The following ARHGAP26 variants were observed in gnomAD, a reference collection of about 807,000 sequenced individuals.
ARHGAP26 encodes rho GTPase-activating protein 26.
Under a neutral mutation model 104.8 loss-of-function variants are expected in ARHGAP26, and 38 were observed. The ratio of observed to expected loss-of-function variants is 0.36; its 90% CI spans 0.28 to 0.48. The LOEUF (loss-of-function observed/expected upper bound fraction) is 0.48. Ranked by LOEUF, ARHGAP26 falls within the 20% of genes least tolerant of loss-of-function variation. The pLI is 0.99. For synonymous variants in ARHGAP26, 341 were observed against 340.0 expected (o/e 1.00, Z -0.03); for missense variants, 704 against 947.9 (o/e 0.74, Z 3.38).
intron 20 of ARHGAP26, among the ~76,000 whole-genome samples, chr5:143,158,193 G>A (rs572440301): frequency 2.0e-5 from 3 of 152,192 alleles, no homozygotes; most frequent in African/African-American, 4.8e-5. Context: ...GACACTCAAT[G>A]TTTACTTTTG....
intron 5 of ARHGAP26, among the ~76,000 whole-genome samples, chr5:142,894,014 CT>C (rs978793520): frequency 4.7e-4 from 70 of 147,842 alleles, no homozygotes; most frequent in Admixed American, 1.6e-3. Context: ...CATTAGAAAG[CT>C]TTTTTTTTGT....
At chr5:142,787,071 C>T (rs1758823301) in intron 1 of ARHGAP26, among the ~76,000 whole-genome samples, 1 of 152,198 alleles carries the variant, frequency 6.6e-6, no homozygotes, top group Non-Finnish European at 1.5e-5. Flanking sequence ...CTAGGGCTCC[C>T]TTTCCTGTTA....
At chr5:143,129,583 C>T (rs1247696256) in intron 18 of ARHGAP26, among the ~76,000 whole-genome samples, 1 of 152,224 alleles carries the variant, frequency 6.6e-6, no homozygotes, top group African/African-American at 2.4e-5. Flanking sequence ...CCCAGTCCAG[C>T]TGCACTCCTT....
chr5:143,003,080 A>G (rs757312844), intron 11 of ARHGAP26, among the ~76,000 whole-genome samples: 1 of 152,234 alleles, frequency 6.6e-6, no homozygotes, highest in African/African-American at 2.4e-5. Flanking sequence ...CACACAAATC[A>G]AAGTCACGGG....
At chr5:142,855,972 G>A (rs1597927236) in intron 1 of ARHGAP26, among the ~76,000 whole-genome samples, 1 of 152,206 alleles carries the variant, frequency 6.6e-6, no homozygotes, top group East Asian at 1.9e-4. Flanking sequence ...CCTTTAAGAG[G>A]TGTATAATCG....
chr5:142,885,189 A>T, intron 4 of ARHGAP26, 109 bp from the exon 5 acceptor site: 1 of 832,366 alleles, frequency 1.2e-6, no homozygotes, highest in Non-Finnish European at 2.0e-6. Flanking sequence ...GAAAAGTAGG[A>T]GCTGAGTCGT....
intron 11 of ARHGAP26, among the ~76,000 whole-genome samples, chr5:142,993,158 GTTTT>G (rs746933068): frequency 5.8e-5 from 6 of 102,652 alleles, no homozygotes; most frequent in Admixed American, 1.1e-4. Context: ...TTTTTGTGTG[GTTTT>G]TTTTTTTTTT....
At chr5:142,812,530 G>A (rs1354228372) in intron 1 of ARHGAP26, among the ~76,000 whole-genome samples, 2 of 151,550 alleles carry the variant, frequency 1.3e-5, no homozygotes, top group African/African-American at 4.9e-5. Flanking sequence ...TAGAGGTGGG[G>A]TTTTGCCATG....
At chr5:142,898,432 G>A (rs1012151468) in intron 6 of ARHGAP26, among the ~76,000 whole-genome samples, 10 of 152,134 alleles carry the variant, frequency 6.6e-5, no homozygotes, top group Non-Finnish European at 1.2e-4. Flanking sequence ...ATGTTCATTA[G>A]GCCTGCATCC....
chr5:142,898,213 TA>T (rs1401714989), intron 6 of ARHGAP26, among the ~76,000 whole-genome samples: 3 of 151,974 alleles, frequency 2.0e-5, no homozygotes, highest in African/African-American at 7.3e-5. Flanking sequence ...CACATACATA[TA>T]CATATATACG....
chr5:143,022,344 A>T (rs941472839), intron 12 of ARHGAP26, among the ~76,000 whole-genome samples: 6 of 152,206 alleles, frequency 3.9e-5, no homozygotes, highest in Non-Finnish European at 7.3e-5. Flanking sequence ...AAGTGTTGGG[A>T]TTACAGGCAT....
chr5:142,979,405 G>A (rs1268146555), intron 11 of ARHGAP26, among the ~76,000 whole-genome samples: 1 of 152,176 alleles, frequency 6.6e-6, no homozygotes, highest in African/African-American at 2.4e-5. Flanking sequence ...TCCAGTTGGA[G>A]TGAGTCTGCT....
chr5:142,771,359 C>T (rs1230766052), intron 1 of ARHGAP26: 2 of 1,232,074 alleles, frequency 1.6e-6, no homozygotes, highest in Non-Finnish European at 2.0e-6. Context: ...GGGGGCGCTG[C>T]CTCCCCTTGG....
At chr5:143,020,632 C>CTTTTT (rs11357774) in intron 12 of ARHGAP26, among the ~76,000 whole-genome samples, 22 of 61,716 alleles carry the variant, frequency 3.6e-4, no homozygotes, top group East Asian at 2.0e-3. Flanking sequence ...TGCTCTAGTG[C>CTTTTT]TTTTTTTTTT....
intron 21 of ARHGAP26, chr5:143,207,552 C>G (rs1808763547): frequency 6.5e-7 from 1 of 1,533,486 alleles, no homozygotes; most frequent in African/African-American, 1.4e-5. Flanking sequence ...CCCCTGCTCT[C>G]CTGTGGTTCC....
At chr5:143,000,419 A>G (rs1055422037) in intron 11 of ARHGAP26, among the ~76,000 whole-genome samples, 1 of 152,268 alleles carries the variant, frequency 6.6e-6, no homozygotes, top group Non-Finnish European at 1.5e-5. Context: ...ATATTCAAAC[A>G]TTAAATTTCA....
intron 20 of ARHGAP26, chr5:143,166,147 A>G: frequency 8.0e-7 from 1 of 1,249,826 alleles, no homozygotes; most frequent in Non-Finnish European, 1.0e-6. Context: ...CAATTAAAGA[A>G]TAACACACGC....
chr5:142,772,162 A>G (rs553200571), intron 1 of ARHGAP26, among the ~76,000 whole-genome samples: 33 of 152,342 alleles, frequency 2.2e-4, no homozygotes, highest in Admixed American at 9.8e-4. Flanking sequence ...CTGAGATGTC[A>G]TTTTGTCAGC....
intron 1 of ARHGAP26, among the ~76,000 whole-genome samples, chr5:142,813,157 G>A (rs55703682): frequency 0.015 from 2,284 of 152,186 alleles, 23 homozygotes; most frequent in South Asian, 0.046. Flanking sequence ...TAACCAGGAT[G>A]GTCTTGATCT....
Sources: gnomAD v4.1 joint callset for allele counts (sites outside exome capture counted in the v4.1 genomes callset) on GRCh38, gnomAD v4.1.1 for gene constraint, MANE v1.5 for transcripts, NCBI Gene and HGNC (gene_info 2026-07-23, HGNC 2026-07-21) for gene names.